LIPM: variants seen among roughly 807,000 people sequenced by gnomAD.
The protein encoded by LIPM is lipase family member M, also known as lipase member M.
A neutral mutation model predicts 42.4 loss-of-function variants in LIPM; 42 were observed. The ratio of observed to expected loss-of-function variants is 0.99; its 90% CI spans 0.77 to 1.28. The LOEUF is 1.28. LIPM is among the 50% of genes most tolerant of loss of function. LIPM has a pLI of 0.00. For synonymous variants in LIPM, 177 were observed against 173.3 expected (o/e 1.02, Z -0.17); for missense variants, 524 against 520.1 (o/e 1.01, Z -0.07).
intron 7 of LIPM, 51 bp from the exon 8 acceptor site, chr10:88,817,774 G>C (rs903340861): frequency 2.3e-6 from 3 of 1,288,678 alleles, no homozygotes; most frequent in Middle Eastern, 1.8e-4. Context: ...ACCCCACCAC[G>C]CTTATCCACT....
At chr10:88,806,627 T>C (rs1352854697) in intron 1 of LIPM, among the ~76,000 whole-genome samples, 1 of 152,186 alleles carries the variant, frequency 6.6e-6, no homozygotes, top group Non-Finnish European at 1.5e-5. Flanking sequence ...GTCCCGCAAT[T>C]TGTGTTTTAA....
intron 2 of LIPM, among the ~76,000 whole-genome samples, chr10:88,810,875 G>T (rs1263931148): frequency 6.6e-6 from 1 of 152,200 alleles, no homozygotes; most frequent in Non-Finnish European, 1.5e-5. Context: ...CTCAAGGGGA[G>T]CATTGATCAC....
At position 88,814,510 on chromosome 10, in the gene LIPM, T is replaced by A; in HGVS notation, c.465-20T>A. 1 of 1,489,352 alleles carries A rather than the reference T, an allele frequency of 6.7e-7. No homozygotes were observed. 92.3% of individuals were successfully genotyped at this position (1,489,352 alleles called of 1,614,324 possible). A position where few individuals can be genotyped will look rare whatever the true frequency, so the allele number is the denominator to read the frequency against. ...TTCTGATTATAATTTTTCATATAAC[T>A]TTGTCTTTTCCCCTTGTAGTTATGA... On this transcript the variant is annotated intron_variant, in intron 3 of 8. Coordinates refer to ENST00000404743, the MANE Select transcript of LIPM (RefSeq NM_001128215.1).
chr10:88,814,736 C>G lies in LIPM; in HGVS notation c.574+97C>G, dbSNP rs1843697675. 3.3e-6 allele frequency: 3 copies of G among 903,376 alleles called. No individual in the cohort carries two copies. The Admixed American group carries it at 6.3e-5, about 19-fold the overall frequency. The allele number at this position is 903,376 out of a possible 1,614,324, so 56.0% of individuals were successfully genotyped here. On this transcript the variant is annotated intron_variant, in intron 4 of 8. Transcript: ENST00000404743. ...TCTGTCACCTTGTGCTTCCTTCAGA[C>G]CTGCTCTTTTCATCTTCAGAATCAT...
At chr10:88,807,012 A>G (rs1007238798) in intron 1 of LIPM, among the ~76,000 whole-genome samples, 1 of 152,120 alleles carries the variant, frequency 6.6e-6, no homozygotes, top group African/African-American at 2.4e-5. Context: ...AAGGTTAAGT[A>G]TACAATGGTG....
intron 6 of LIPM, 114 bp downstream of exon 6, chr10:88,815,617 C>A: frequency 1.1e-6 from 1 of 894,212 alleles, no homozygotes; most frequent in Non-Finnish European, 1.7e-6. Flanking sequence ...GATATATTCT[C>A]AGTAACTCAG....
Position 88,813,392 on chromosome 10 carries a change from G to A in LIPM, c.464+97G>A. On this transcript the variant is annotated intron_variant, in intron 3 of 8. Transcript: ENST00000404743. ...TCTAGTATTTGGTTGATTTATTTTG[G>A]TTGAGTCATCATTATCTTAACATGA... 5 of 1,001,880 alleles carry A rather than the reference G, an allele frequency of 5.0e-6. No individual in the cohort carries two copies. The South Asian group carries it at 9.0e-5, about 18-fold the overall frequency. 62.1% of individuals were successfully genotyped at this position (1,001,880 alleles called of 1,614,324 possible).
intron 1 of LIPM, among the ~76,000 whole-genome samples, chr10:88,806,378 G>C (rs1312292681): frequency 1.3e-5 from 2 of 152,042 alleles, no homozygotes; most frequent in African/African-American, 4.8e-5. Flanking sequence ...GAATTCCTTT[G>C]CTCCTTCCTT....
rs185013713 is a variant in LIPM, at chr10:88,816,481, A to C, written c.859-335A>C. Among the ~76,000 whole-genome samples, 6 of 152,298 alleles carry C rather than the reference A, an allele frequency of 3.9e-5. 1 individual carries two copies. The East Asian group carries it at 9.6e-4, about 24-fold the overall frequency. On this transcript the variant is annotated intron_variant, in intron 6 of 8. Transcript: ENST00000404743. ...TAAGATTTAGTAGATTAAGTGACTC[A>C]CTCAAATTCACCTAAAAATTAAACT...
chr10:88,818,819 A>C (rs796302576), intron 8 of LIPM, among the ~76,000 whole-genome samples: 12 of 152,292 alleles, frequency 7.9e-5, no homozygotes, highest in African/African-American at 2.9e-4. Context: ...CTTCTCTTGA[A>C]GTCTTTCTTC....
chr10:88,815,307 A>G (rs1186898844), intron 5 of LIPM, 50 bp from the exon 6 acceptor site: 6 of 1,547,640 alleles, frequency 3.9e-6, no homozygotes, highest in South Asian at 2.4e-5. Context: ...TTTAAATTAC[A>G]GTCACATCTT....
chr10:88,813,371 G>C, intron 3 of LIPM, 76 bp downstream of exon 3: 1 of 1,215,366 alleles, frequency 8.2e-7, no homozygotes, highest in Non-Finnish European at 1.1e-6. Context: ...ACGGCTTCTA[G>C]TATTTGGTTG....
chr10:88,814,160 C>T (rs144041960), intron 3 of LIPM, among the ~76,000 whole-genome samples: 27 of 152,264 alleles, frequency 1.8e-4, no homozygotes, highest in African/African-American at 3.6e-4. Context: ...CTATCAGAGA[C>T]GGACCACTTC....
intron 1 of LIPM, among the ~76,000 whole-genome samples, chr10:88,805,218 T>G (rs1843571908): frequency 6.6e-6 from 1 of 152,194 alleles, no homozygotes; most frequent in Non-Finnish European, 1.5e-5. Flanking sequence ...GGACAGATCA[T>G]CAATTAGTCA....
chr10:88,805,851 G>C, intron 1 of LIPM: 1 of 403,810 alleles, frequency 2.5e-6, no homozygotes. Context: ...TGGAAAGGAA[G>C]TAGAGAATCA....
chr10:88,817,228 G>C (rs1843728219), intron 7 of LIPM, among the ~76,000 whole-genome samples: 1 of 152,172 alleles, frequency 6.6e-6, no homozygotes, highest in Non-Finnish European at 1.5e-5. Flanking sequence ...CAACAATACA[G>C]TCAAGTAGAA....
At chr10:88,816,991 T>C in intron 7 of LIPM, 104 bp downstream of exon 7, 1 of 862,348 alleles carries the variant, frequency 1.2e-6, no homozygotes, top group Admixed American at 2.0e-5. Flanking sequence ...TTCACACTTA[T>C]TCTAAGATGA....
At position 88,815,211 on chromosome 10, in the gene LIPM, A is replaced by T. The variant is rs1843704105; in HGVS notation, c.698A>T (p.Asp233Val). Residue 233 changes from aspartate (D) to valine (V), a missense_variant, in exon 5 of 9, where the codon GAT (aspartate) becomes GTT (valine). By Grantham distance (152) the Asp-to-Val change is radical (BLOSUM62 -3). Coordinates refer to ENST00000404743, the MANE Select transcript of LIPM (RefSeq NM_001128215.1). ...SPGTKFLLLP[D>V]MMIKGLFGKK... ...GGGACCAAATTTTTGTTGCTGCCAG[A>T]TATGATGATCAAGGTATGAGACTCC... 6.4e-7 allele frequency: 1 copy of T among 1,551,776 alleles called. No homozygotes were observed. The highest frequency in any genetic ancestry group is 2.0e-5 in the Admixed American group (1 of 50,958).
Position 88,813,215 on chromosome 10 carries a change from G to A in LIPM, c.384G>A (p.Trp128Ter). The A allele has an allele frequency of 6.2e-7, 1 of 1,613,770 alleles. No individual in the cohort carries two copies. The highest frequency in any genetic ancestry group is 8.5e-7 in the Non-Finnish European group (1 of 1,179,846). The change falls in exon 3 of 9, where the codon TGG (tryptophan) becomes TGA (stop). Residue 128 changes from tryptophan (W) to a stop codon, truncating the protein, a stop_gained. Coordinates refer to ENST00000404743, the MANE Select transcript of LIPM (RefSeq NM_001128215.1). LOFTEE classifies it high-confidence loss of function. ...FILADAGFDV[W>*]MGNSRGNAWS... ...TGGCAGATGCTGGTTTTGACGTGTG[G>A]ATGGGGAACAGCAGGGGAAACGCCT...
Sources: allele counts gnomAD v4.1 joint callset (sites outside exome capture counted in the v4.1 genomes callset), GRCh38; gene constraint gnomAD v4.1.1; transcripts MANE v1.5; gene names NCBI Gene and HGNC (gene_info 2026-07-23, HGNC 2026-07-21).